Variants in SCAI observed in about 807,000 individuals in gnomAD.
SCAI encodes protein SCAI.
A neutral mutation model predicts 92.2 loss-of-function variants in SCAI; 24 were observed. That is an observed-to-expected ratio of 0.26 (90% confidence interval 0.19 to 0.37). The LOEUF (loss-of-function observed/expected upper bound fraction) is 0.37, where lower values mean the gene tolerates loss of function less well. Ranked by LOEUF, SCAI falls within the 10% of genes least tolerant of loss-of-function variation. The pLI is 1.00. For synonymous variants in SCAI, 261 were observed against 258.6 expected, an observed-to-expected ratio of 1.01 and a Z score of -0.09; for missense variants, 450 against 736.2, an observed-to-expected ratio of 0.61 and a Z score of 4.50.
At chr9:125,125,686 G>A (rs1369508757) in intron 2 of SCAI, among the ~76,000 whole-genome samples, 4 of 151,220 alleles carry the variant, frequency 2.6e-5, no homozygotes, top group African/African-American at 9.7e-5. Flanking sequence ...AAAAAAATCA[G>A]CCACGCATGG....
intron 2 of SCAI, among the ~76,000 whole-genome samples, chr9:125,100,621 C>CTA (rs1426070441): frequency 3.3e-5 from 5 of 152,098 alleles, no homozygotes; most frequent in African/African-American, 1.2e-4. Flanking sequence ...TGTTCTTGGA[C>CTA]TAAAATAAGT....
At chr9:125,034,116 G>C (rs1297145924) in intron 3 of SCAI, among the ~76,000 whole-genome samples, 4 of 151,590 alleles carry the variant, frequency 2.6e-5, no homozygotes, top group Non-Finnish European at 5.9e-5. Flanking sequence ...GCCTGGTGCA[G>C]CAGAGGGAGG....
intron 3 of SCAI, among the ~76,000 whole-genome samples, chr9:125,052,608 A>G (rs901218656): frequency 1.1e-4 from 16 of 152,018 alleles, no homozygotes; most frequent in African/African-American, 3.9e-4. Flanking sequence ...GGGGGACAAG[A>G]GCAAAACTTC....
intron 2 of SCAI, among the ~76,000 whole-genome samples, chr9:125,102,576 C>T (rs1834699044): frequency 6.6e-6 from 1 of 150,704 alleles, no homozygotes; most frequent in Admixed American, 6.7e-5. Context: ...AATTTTTTCT[C>T]TTACCAAAAT....
intron 15 of SCAI, among the ~76,000 whole-genome samples, chr9:124,972,612 T>G (rs140086202): frequency 1.3e-5 from 2 of 152,250 alleles, no homozygotes; most frequent in Non-Finnish European, 2.9e-5. Context: ...TCTAGGCTAC[T>G]CTATTCAACC....
At chr9:125,096,560 C>T (rs577283188) in intron 2 of SCAI, among the ~76,000 whole-genome samples, 7 of 151,520 alleles carry the variant, frequency 4.6e-5, no homozygotes, top group Non-Finnish European at 1.0e-4. Context: ...AGTTGTCTAC[C>T]TTGAGGCTTT....
Position 125,027,759 on chromosome 9 carries a change from C to A in SCAI, c.413+633G>T, listed in dbSNP as rs559794784. 3.3e-5 allele frequency among the ~76,000 whole-genome samples: 5 copies of A among 152,314 alleles called. No individual in the cohort carries two copies. In the East Asian group the frequency reaches 7.7e-4, roughly 24 times the overall value. On this transcript the variant is annotated intron_variant, in intron 5 of 17. Coordinates refer to ENST00000336505, the MANE Select transcript of SCAI (RefSeq NM_001144877.3). ...AAACTCCTGACCTCAGGTGATCCAC[C>A]TGCCTTGGCCTCCCAAAGTCCTAGG...
rs1477010998 is a variant in SCAI at position 124,970,498 on chromosome 9, C to G, written c.1674+872G>C. 2.6e-5 allele frequency among the ~76,000 whole-genome samples: 4 copies of G among 152,118 alleles called. No individual in the cohort carries two copies. The East Asian group carries it at 7.8e-4, about 30-fold the overall frequency. On this transcript the variant is annotated intron_variant, in intron 17 of 17. Transcript: ENST00000336505. The stretch of plus-strand genomic sequence containing the variant: ...CTTTGGAAGGCCAAGGCGGGTGGAT[C>G]ACCTGAGGTCAGGAGATCGAGACCA...
chr9:125,030,893 G>C (rs1368198169), intron 3 of SCAI, among the ~76,000 whole-genome samples: 1 of 152,120 alleles, frequency 6.6e-6, no homozygotes, highest in Non-Finnish European at 1.5e-5. Flanking sequence ...ACAAATTCAA[G>C]AACTTACAAG....
At chr9:125,071,540 A>G (rs950313178) in intron 2 of SCAI, among the ~76,000 whole-genome samples, 2 of 152,366 alleles carry the variant, frequency 1.3e-5, no homozygotes, top group Non-Finnish European at 2.9e-5. Flanking sequence ...GAGTTTTGGC[A>G]TGGAGCAGCA....
chr9:124,971,765 T>C lies in SCAI; in HGVS notation c.1479A>G (p.Ser493=). The change falls in exon 16 of 18, where the codon TCA becomes TCG. Residue 493 remains serine (S), a synonymous_variant. Coordinates refer to ENST00000336505, the MANE Select transcript of SCAI (RefSeq NM_001144877.3). ...TTTCCCATAGGCCTCTGCGCATGCT[T>C]GACAATCCAGAGACAAATAGGAAGG... ...LMAFLFVSGL[S]SMRRGLWEKC... The C allele has an allele frequency of 6.2e-7, 1 of 1,612,658 alleles. No homozygotes were observed. Among genetic ancestry groups the C allele is most frequent in the Non-Finnish European group, 8.5e-7 (1 of 1,179,606 alleles).
intron 17 of SCAI, among the ~76,000 whole-genome samples, chr9:124,962,164 TTTTTTTGC>T: frequency 3.5e-5 from 5 of 143,994 alleles, no homozygotes; most frequent in African/African-American, 1.0e-4. Flanking sequence ...TTTTTTTTTT[TTTTTTTGC>T]GGGGGGGGAT....
intron 2 of SCAI, among the ~76,000 whole-genome samples, chr9:125,080,159 G>A (rs1834181120): frequency 6.6e-6 from 1 of 152,122 alleles, no homozygotes; most frequent in African/African-American, 2.4e-5. Flanking sequence ...CCACGCTCCA[G>A]AAACTATGCC....
At position 124,945,977 on chromosome 9, in the gene SCAI, T is replaced by C. The variant is rs1831139341; in HGVS notation, c.*6830A>G. 1 of 152,214 alleles carries C rather than the reference T, an allele frequency of 6.6e-6. No individual in the cohort carries two copies. The highest frequency in any genetic ancestry group is 2.1e-4 in the South Asian group (1 of 4,836). 9.4% of individuals were successfully genotyped at this position (152,214 alleles called of 1,614,324 possible). On this transcript the variant is annotated 3_prime_UTR_variant, in exon 18 of 18. Coordinates refer to ENST00000336505, the MANE Select transcript of SCAI (RefSeq NM_001144877.3). ...GACTGGGGGAAAGGGCTGGGTTTTC[T>C]AAGCAAGTGTTACCTTATTCACCCT...
chr9:124,979,181 A>G (rs1018846171), intron 14 of SCAI, among the ~76,000 whole-genome samples: 3 of 151,924 alleles, frequency 2.0e-5, no homozygotes, highest in Non-Finnish European at 4.4e-5. Flanking sequence ...TTATTAAATG[A>G]AAAAAGATAT....
At chr9:125,109,033 G>A (rs1834877329) in intron 2 of SCAI, among the ~76,000 whole-genome samples, 1 of 152,198 alleles carries the variant, frequency 6.6e-6, no homozygotes, top group African/African-American at 2.4e-5. Flanking sequence ...TTCTGCCCTG[G>A]GATGCTGTTG....
At chr9:125,112,374 A>G (rs1834949418) in intron 2 of SCAI, among the ~76,000 whole-genome samples, 2 of 152,236 alleles carry the variant, frequency 1.3e-5, no homozygotes, top group African/African-American at 4.8e-5. Context: ...AGAAGAAAAT[A>G]TAAGAAAAAT....
At chr9:125,022,572 T>G (rs1041061851) in intron 6 of SCAI, among the ~76,000 whole-genome samples, 1 of 152,128 alleles carries the variant, frequency 6.6e-6, no homozygotes, top group African/African-American at 2.4e-5. Context: ...CCACCATGCC[T>G]GGGTAATTTT....
intron 2 of SCAI, 166 bp downstream of exon 2, chr9:125,142,467 G>A: frequency 1.8e-6 from 1 of 557,106 alleles, no homozygotes; most frequent in Non-Finnish European, 3.2e-6. Flanking sequence ...TGTAGAGGTA[G>A]TAATTTGAAG....
Sources: gnomAD v4.1 joint callset for allele counts (sites outside exome capture counted in the v4.1 genomes callset) on GRCh38, gnomAD v4.1.1 for gene constraint, MANE v1.5 for transcripts, NCBI Gene and HGNC (gene_info 2026-07-23, HGNC 2026-07-21) for gene names.